ARRDC2: variants seen among roughly 807,000 people sequenced by gnomAD.
The protein encoded by ARRDC2 is arrestin domain-containing protein 2.
A neutral mutation model predicts 38.9 loss-of-function variants in ARRDC2; 39 were observed. The ratio of observed to expected loss-of-function variants is 1.00; its 90% CI spans 0.78 to 1.31. The LOEUF is 1.31. Ranked by LOEUF, ARRDC2 falls within the 50% of genes most tolerant of loss-of-function variation. The probability of loss-of-function intolerance (pLI) is 0.00; values close to 1 mark genes in which losing one functional copy is unlikely to be tolerated. For missense variants in ARRDC2, 553 were observed against 588.4 expected (o/e 0.94, Z 0.62); for synonymous variants, 300 against 261.9 (o/e 1.15, Z -1.41).
rs1028718813 is a variant in ARRDC2, at chr19:18,001,556, G to C, written c.242G>C (p.Arg81Pro). 3 of 1,366,752 alleles carry C rather than the reference G, an allele frequency of 2.2e-6. No homozygotes were observed. In the East Asian group the frequency reaches 9.2e-5, roughly 42 times the overall value. The allele number at this position is 1,366,752 out of a possible 1,614,324, so 84.7% of individuals were successfully genotyped here. The change falls in exon 1 of 8, where the codon CGG becomes CCG. Residue 81 changes from arginine to proline, a missense_variant. By Grantham distance (103) the Arg-to-Pro change is moderately radical (BLOSUM62 -2). Transcript: ENST00000379656. ...GCCGCGGAGACCTACCTGCGGCGTC[G>C]GCAGCTGCTGCTCCGAGGTGAGACA...
chr19:18,009,581 T>C lies in ARRDC2; in HGVS notation c.490-11T>C, dbSNP rs778129906. The C allele has an allele frequency of 6.3e-7, 1 of 1,589,492 alleles. No individual in the cohort carries two copies. Among genetic ancestry groups the C allele is most frequent in the East Asian group, 2.3e-5 (1 of 44,384 alleles). ...GTGACTCATCCATGTCACTTTCCTC[T>C]ACACCGACAGGCACCTCAAGCGGGG... On this transcript the variant is annotated splice_polypyrimidine_tract_variant and intron_variant, in intron 3 of 7. Transcript: ENST00000222250.
upstream of ARRDC2, among the ~76,000 whole-genome samples, chr19:18,005,865 T>C (rs1224340578): frequency 2.7e-4 from 35 of 129,952 alleles, 1 homozygote; most frequent in South Asian, 6.4e-3. Flanking sequence ...TCCTCACTTC[T>C]CAGACGGGGC....
In ARRDC2 at chr19:18,008,401, G is replaced by A; in HGVS notation, c.91G>A (p.Ala31Thr). 6.3e-7 allele frequency: 1 copy of A among 1,594,990 alleles called. No individual in the cohort carries two copies. Among genetic ancestry groups the A allele is most frequent in the Non-Finnish European group, 8.5e-7 (1 of 1,178,218 alleles). Residue 31 changes from alanine (A) to threonine (T), a missense_variant, in exon 1 of 8, where the codon GCG becomes ACG. Physicochemically the swap from Ala to Thr is moderately conservative, Grantham distance 58 (BLOSUM62 0). Around this residue, in one of 3 missense-constraint regions of ARRDC2, gnomAD observed 447 missense variants for 456.6 expected, o/e 0.98. Transcript: ENST00000222250. ...CGTGTTTAGCGGCGGCCAGGCCGTG[G>A]CGGGCCGGGTGCTGCTGGAGCTGTC... Reference protein sequence around the residue: ...EPVFSGGQAVAGRVLLELSSA... With the variant: ...EPVFSGGQAVTGRVLLELSSA...
In ARRDC2 at chr19:18,010,588, G is replaced by A. The variant is rs370553992; in HGVS notation, c.1029G>A (p.Ser343=). 6.2e-6 allele frequency: 10 copies of A among 1,613,586 alleles called. No homozygotes were observed. The highest frequency in any genetic ancestry group is 2.7e-5 in the African/African-American group (2 of 74,928). The change falls in exon 7 of 8, where the codon TCG becomes TCA. Residue 343 remains serine, a synonymous_variant. Transcript: ENST00000222250. ...PERPEAPPEY[S]EVVADTEEAA... ...CGCTTCCAGCTCCTCCTGAGTACTCGGAGGTGGTAGCCGACACTGAGGAGG... is the reference window on the plus strand; with the variant it reads ...CGCTTCCAGCTCCTCCTGAGTACTCAGAGGTGGTAGCCGACACTGAGGAGG...
At chr19:18,006,223 G>A (rs1379298058), upstream of ARRDC2, among the ~76,000 whole-genome samples, 1 of 151,760 alleles carries the variant, frequency 6.6e-6, no homozygotes, top group Non-Finnish European at 1.5e-5. Flanking sequence ...CCCAGACGGG[G>A]TGGCGGCCGG....
At position 18,013,092 on chromosome 19, in the gene ARRDC2, G is replaced by C. The variant is rs974760594; in HGVS notation, c.*126G>C. ...CAAAGTTGGGGAACCAAGTCTCAGA[G>C]TGAGGCGGGGGCCTTTCGGATATCA... On this transcript the variant is annotated 3_prime_UTR_variant, in exon 8 of 8. Coordinates refer to ENST00000222250, the MANE Select transcript of ARRDC2 (RefSeq NM_015683.2). The C allele has an allele frequency of 3.9e-5, 39 of 1,004,140 alleles. No homozygotes were observed. The highest frequency in any genetic ancestry group is 5.8e-5 in the Non-Finnish European group (39 of 675,922). The allele number at this position is 1,004,140 out of a possible 1,614,324, so 62.2% of individuals were successfully genotyped here. A position where few individuals can be genotyped will look rare whatever the true frequency, so the allele number is the denominator to read the frequency against.
upstream of ARRDC2, among the ~76,000 whole-genome samples, chr19:18,004,307 G>T (rs377388868): frequency 5.4e-5 from 8 of 148,364 alleles, no homozygotes; most frequent in East Asian, 1.7e-3. Context: ...GAGTGCAATG[G>T]CATGATCTCG....
At chr19:18,008,678 C>T (rs780148237) in intron 1 of ARRDC2, 33 bp from the exon 2 acceptor site, 7 of 1,610,774 alleles carry the variant, frequency 4.3e-6, no homozygotes, top group Middle Eastern at 3.3e-4. Flanking sequence ...CCAGCGCAAC[C>T]GCTCAGTCGC....
rs182165430 is a variant in ARRDC2 at position 18,012,072 on chromosome 19, C to T, written c.1171-841C>T. Among the ~76,000 whole-genome samples, 734 of 148,090 alleles carry T rather than the reference C, an allele frequency of 5.0e-3. 10 individuals carry two copies. The highest frequency in any genetic ancestry group is 0.046 in the South Asian group (216 of 4,668). Reference sequence around the variant, plus strand: ...CCCGGGTTCAAGCAATTCTCCCTGTCTTAGCCTCCCGAGTAGCTGGGATTA... The same window carrying T: ...CCCGGGTTCAAGCAATTCTCCCTGTTTTAGCCTCCCGAGTAGCTGGGATTA... On this transcript the variant is annotated intron_variant, in intron 7 of 7. Transcript: ENST00000222250.
At position 18,008,463 on chromosome 19, in the gene ARRDC2, G is replaced by A; in HGVS notation, c.153G>A (p.Ala51=). The change falls in exon 1 of 8, where the codon GCG becomes GCA. Residue 51 remains alanine, a synonymous_variant. Transcript: ENST00000222250. ...AARVGALRLR[A]RGRAHVHWTE... ...GTGTGGGTGCCCTGAGGCTGCGCGC[G>A]CGGGGCCGCGCCCACGTGCACTGGA... 1 of 1,531,314 alleles carries A rather than the reference G, an allele frequency of 6.5e-7. No homozygotes were observed. The allele number at this position is 1,531,314 out of a possible 1,614,324, so 94.9% of individuals were successfully genotyped here.
At chr19:18,004,862 T>C (rs1174320588), upstream of ARRDC2, among the ~76,000 whole-genome samples, 3 of 150,486 alleles carry the variant, frequency 2.0e-5, no homozygotes, top group Non-Finnish European at 3.0e-5. Flanking sequence ...TAGCGGGGCA[T>C]GGTGGTACAC....
At chr19:18,008,116 A>AGGGGCCC, upstream of ARRDC2, 5 of 522,498 alleles carry the variant, frequency 9.6e-6, no homozygotes, top group Admixed American at 4.3e-5. Flanking sequence ...AGAGACGGTG[A>AGGGGCCC]CCCCACCCCC....
upstream of ARRDC2, among the ~76,000 whole-genome samples, chr19:18,006,914 C>T (rs894122873): frequency 3.9e-5 from 6 of 152,218 alleles, no homozygotes; most frequent in Non-Finnish European, 7.3e-5. Flanking sequence ...GGTCCCAGAC[C>T]TTCCTTTCAA....
upstream of ARRDC2, among the ~76,000 whole-genome samples, chr19:18,005,405 C>T (rs1599393898): frequency 2.0e-5 from 3 of 151,738 alleles, 1 homozygote; most frequent in South Asian, 4.2e-4. Context: ...TACACAGACA[C>T]GGCAACCATC....
Position 18,008,248 on chromosome 19 carries a change from G to C in ARRDC2, c.-63G>C. 1.3e-6 allele frequency: 2 copies of C among 1,560,800 alleles called. No homozygotes were observed. The highest frequency in any genetic ancestry group is 1.7e-6 in the Non-Finnish European group (2 of 1,165,426). ...TCTGAGGCTGCAGCGTCGGCATCTTGAGCTGCCGGTTCGCGAGTTCGAGGC... is the reference window on the plus strand; with the variant it reads ...TCTGAGGCTGCAGCGTCGGCATCTTCAGCTGCCGGTTCGCGAGTTCGAGGC... On this transcript the variant is annotated 5_prime_UTR_variant, in exon 1 of 8. Coordinates refer to ENST00000222250, the MANE Select transcript of ARRDC2 (RefSeq NM_015683.2).
At chr19:18,011,794 G>C (rs1183525927) in intron 7 of ARRDC2, among the ~76,000 whole-genome samples, 1 of 151,728 alleles carries the variant, frequency 6.6e-6, no homozygotes, top group Non-Finnish European at 1.5e-5. Flanking sequence ...AGGAGTTTGA[G>C]GCTGCAGTGA....
chr19:18,012,699 C>T (rs1235973359), intron 7 of ARRDC2, among the ~76,000 whole-genome samples: 3 of 152,144 alleles, frequency 2.0e-5, no homozygotes, highest in Non-Finnish European at 2.9e-5. Flanking sequence ...TTGGTATCCA[C>T]GGGGTTCCTG....
chr19:18,008,093 C>T (rs1484129579), upstream of ARRDC2: 23 of 1,208,412 alleles, frequency 1.9e-5, no homozygotes, highest in Non-Finnish European at 2.5e-5. Context: ...GGAGTCCCTT[C>T]CCGGGGCGGG....
upstream of ARRDC2, chr19:18,008,116 A>AGGCCCCCCCC: frequency 1.5e-5 from 8 of 522,486 alleles, no homozygotes; most frequent in Non-Finnish European, 2.3e-5. Flanking sequence ...AGAGACGGTG[A>AGGCCCCCCCC]CCCCACCCCC....
Sources: allele counts gnomAD v4.1 joint callset (sites outside exome capture counted in the v4.1 genomes callset), GRCh38; gene constraint gnomAD v4.1.1; regional missense constraint gnomAD v4.1.1; transcripts MANE v1.5; gene names NCBI Gene and HGNC (gene_info 2026-07-23, HGNC 2026-07-21).